The following DCC variants were observed in gnomAD, a reference collection of about 807,000 sequenced individuals.
The protein encoded by DCC is netrin receptor DCC.
Under a neutral mutation model 172.5 loss-of-function variants are expected in DCC, and 58 were observed. That is an observed-to-expected ratio of 0.34 (90% CI 0.27 to 0.42). DCC has a LOEUF of 0.42. Among genes scored for constraint, DCC ranks in the 10% least tolerant of loss-of-function variants. The probability of loss-of-function intolerance (pLI) is 1.00; values close to 1 mark genes in which losing one functional copy is unlikely to be tolerated. For synonymous variants in DCC, 709 were observed against 644.5 expected (o/e 1.10, Z -1.52); for missense variants, 1,740 against 1,791.0 (o/e 0.97, Z 0.51).
intron 1 of DCC, among the ~76,000 whole-genome samples, chr18:52,634,091 C>T (rs1352490155): frequency 2.6e-5 from 4 of 152,216 alleles, no homozygotes; most frequent in African/African-American, 9.6e-5. Context: ...CAGCATTAAA[C>T]ATCTCATTAA....
intron 21 of DCC, among the ~76,000 whole-genome samples, chr18:53,427,172 T>A (rs934635692): frequency 2.0e-5 from 3 of 152,160 alleles, no homozygotes; most frequent in African/African-American, 7.2e-5. Flanking sequence ...GAACTAGCTC[T>A]TGGAAATATC....
At chr18:53,526,547 G>A in intron 27 of DCC, 70 bp from the exon 28 acceptor site, 2 of 1,476,210 alleles carry the variant, frequency 1.4e-6, no homozygotes. Flanking sequence ...TGGATATGGT[G>A]TATATACTTG....
At chr18:53,091,055 C>A (rs2043000331) in intron 7 of DCC, among the ~76,000 whole-genome samples, 1 of 151,904 alleles carries the variant, frequency 6.6e-6, no homozygotes, top group South Asian at 2.1e-4. Context: ...TAATCGATTT[C>A]CCAAGGAAAT....
chr18:52,584,655 C>T (rs746623720), intron 1 of DCC, among the ~76,000 whole-genome samples: 27 of 152,120 alleles, frequency 1.8e-4, no homozygotes, highest in Non-Finnish European at 2.8e-4. Flanking sequence ...TCTGCCTCAG[C>T]CTCCTGAGGA....
At chr18:52,935,617 T>C in intron 5 of DCC, among the ~76,000 whole-genome samples, 1 of 152,074 alleles carries the variant, frequency 6.6e-6, no homozygotes. Context: ...TTAGCTGCTA[T>C]TTTTTGAGCA....
intron 2 of DCC, among the ~76,000 whole-genome samples, chr18:52,763,729 A>C (rs540182709): frequency 6.6e-6 from 1 of 152,152 alleles, no homozygotes; most frequent in African/African-American, 2.4e-5. Context: ...ATTCCATAAC[A>C]TTTTCATCAC....
rs554018230 is a variant in DCC at position 52,946,984 on chromosome 18, G to A, written c.985+21614G>A. Among the ~76,000 whole-genome samples, 4 of 145,490 alleles carry A rather than the reference G, an allele frequency of 2.7e-5. No homozygotes were observed. In the South Asian group the frequency reaches 8.8e-4, roughly 32 times the overall value. Reference sequence around the variant, plus strand: ...AAACACAGAATCTGACCACCCATCTGCATGGCTCACCTACTCACCTCACCT... The same window carrying A: ...AAACACAGAATCTGACCACCCATCTACATGGCTCACCTACTCACCTCACCT... On this transcript the variant is annotated intron_variant, in intron 5 of 28. Transcript: ENST00000442544.
intron 1 of DCC, among the ~76,000 whole-genome samples, chr18:52,726,531 T>G (rs974587789): frequency 1.3e-5 from 2 of 152,224 alleles, no homozygotes; most frequent in African/African-American, 4.8e-5. Context: ...CCAGCATTAT[T>G]TATATACTTC....
At chr18:53,287,778 A>G (rs1041400532) in intron 12 of DCC, among the ~76,000 whole-genome samples, 3 of 152,186 alleles carry the variant, frequency 2.0e-5, no homozygotes, top group Non-Finnish European at 2.9e-5. Context: ...AACTTTTAAA[A>G]ATTATAAATA....
At chr18:52,523,925 G>C (rs1458452694) in intron 1 of DCC, among the ~76,000 whole-genome samples, 2 of 152,104 alleles carry the variant, frequency 1.3e-5, no homozygotes, top group African/African-American at 2.4e-5. Flanking sequence ...TTTGTCCAAG[G>C]AACAACAAAT....
At chr18:53,439,128 C>G (rs774072934) in intron 22 of DCC, among the ~76,000 whole-genome samples, 2 of 152,152 alleles carry the variant, frequency 1.3e-5, no homozygotes, top group Admixed American at 6.5e-5. Flanking sequence ...TGGTAGAGGC[C>G]AAACTTTATC....
intron 1 of DCC, among the ~76,000 whole-genome samples, chr18:52,424,426 C>T (rs1987354829): frequency 6.6e-6 from 1 of 152,108 alleles, no homozygotes; most frequent in South Asian, 2.1e-4. Context: ...CCCTTCTTCC[C>T]TAAGGGACAA....
At chr18:53,228,520 G>A (rs1431558741) in intron 12 of DCC, among the ~76,000 whole-genome samples, 1 of 152,070 alleles carries the variant, frequency 6.6e-6, no homozygotes, top group African/African-American at 2.4e-5. Flanking sequence ...TCAGCAATCA[G>A]TGAGCAACTG....
At chr18:52,959,542 G>T (rs974804438) in intron 5 of DCC, among the ~76,000 whole-genome samples, 1 of 151,992 alleles carries the variant, frequency 6.6e-6, no homozygotes, top group Non-Finnish European at 1.5e-5. Context: ...AGTGTGACGG[G>T]TTTGCTCCCC....
intron 2 of DCC, among the ~76,000 whole-genome samples, chr18:52,791,773 A>G (rs1161793853): frequency 1.3e-5 from 2 of 152,082 alleles, no homozygotes; most frequent in African/African-American, 4.8e-5. Flanking sequence ...TCCTGCTAGT[A>G]TGGTTCGTGT....
chr18:52,455,593 G>T (rs1396955149), intron 1 of DCC, among the ~76,000 whole-genome samples: 1 of 152,132 alleles, frequency 6.6e-6, no homozygotes, highest in Admixed American at 6.5e-5. Context: ...GCAAGACTCA[G>T]GTACAAGTCA....
chr18:53,115,552 C>T (rs901052888), intron 7 of DCC, among the ~76,000 whole-genome samples: 2 of 151,440 alleles, frequency 1.3e-5, no homozygotes, highest in African/African-American at 4.8e-5. Flanking sequence ...ATTTGATTCC[C>T]CCATCCCAGT....
chr18:53,318,976 G>T lies in DCC; in HGVS notation c.2054-3071G>T, dbSNP rs533094358. Among the ~76,000 whole-genome samples, 4 of 152,262 alleles carry T rather than the reference G, an allele frequency of 2.6e-5. No homozygotes were observed. In the East Asian group the frequency reaches 7.7e-4, roughly 29 times the overall value. ...CAATATTCAACATTCTTAAGGAAAA[G>T]AATTGGCAACCCAGAATTTCATATC... On this transcript the variant is annotated intron_variant, in intron 13 of 28. Coordinates refer to ENST00000442544, the MANE Select transcript of DCC (RefSeq NM_005215.4).
At chr18:52,803,205 A>G (rs890722959) in intron 2 of DCC, among the ~76,000 whole-genome samples, 1 of 152,202 alleles carries the variant, frequency 6.6e-6, no homozygotes, top group African/African-American at 2.4e-5. Context: ...AAGGTTTACA[A>G]TATTGCACTA....
Sources: allele counts gnomAD v4.1 joint callset (sites outside exome capture counted in the v4.1 genomes callset), GRCh38; gene constraint gnomAD v4.1.1; transcripts MANE v1.5; gene names NCBI Gene and HGNC (gene_info 2026-07-23, HGNC 2026-07-21).